XIRP2: variants seen among roughly 807,000 people sequenced by gnomAD.
The protein encoded by XIRP2 is xin actin-binding repeat-containing protein 2.
A neutral mutation model predicts 277.0 loss-of-function variants in XIRP2; 236 were observed. The observed-to-expected ratio is 0.85, with a 90% CI of 0.77 to 0.95. The LOEUF (loss-of-function observed/expected upper bound fraction) is 0.95, where lower values mean the gene tolerates loss of function less well. XIRP2 is among the 40% of genes least tolerant of loss of function. The pLI is 0.00. For synonymous variants in XIRP2, 1,490 were observed against 1,416.5 expected (o/e 1.05, Z -1.17); for missense variants, 4,640 against 4,157.5 (o/e 1.12, Z -3.19).
intron 2 of XIRP2, among the ~76,000 whole-genome samples, chr2:166,961,070 G>C (rs942857229): frequency 5.3e-5 from 8 of 151,674 alleles, no homozygotes; most frequent in Non-Finnish European, 1.2e-4. Flanking sequence ...CCCCCTCTCT[G>C]GGCTCTGGGC....
intron 2 of XIRP2, among the ~76,000 whole-genome samples, chr2:166,915,782 T>TCCCC (rs1173885811): frequency 3.3e-5 from 5 of 152,170 alleles, no homozygotes. Flanking sequence ...CTTATGATCT[T>TCCCC]CCCCCAAACC....
chr2:167,071,215 CA>C (rs1258312104), intron 2 of XIRP2, among the ~76,000 whole-genome samples: 2 of 152,104 alleles, frequency 1.3e-5, no homozygotes, highest in African/African-American at 4.8e-5. Flanking sequence ...ACATATGTGA[CA>C]TAAAGTTTTA....
chr2:167,150,881 G>T (rs1371366796), intron 3 of XIRP2, among the ~76,000 whole-genome samples: 1 of 152,014 alleles, frequency 6.6e-6, no homozygotes, highest in Non-Finnish European at 1.5e-5. Flanking sequence ...AGTGAAACTA[G>T]CCTTTTGTTG....
chr2:167,034,734 T>A (rs1385704028), intron 2 of XIRP2, among the ~76,000 whole-genome samples: 2 of 152,172 alleles, frequency 1.3e-5, no homozygotes, highest in Non-Finnish European at 2.9e-5. Context: ...AGCAAGAGTA[T>A]ATAACAATTT....
intron 2 of XIRP2, among the ~76,000 whole-genome samples, chr2:167,078,425 T>TTGGATTTTTCCTTTTCCTA: frequency 6.6e-6 from 1 of 152,276 alleles, no homozygotes; most frequent in South Asian, 2.1e-4. Context: ...GGAGAGATAG[T>TTGGATTTTTCCTTTTCCTA]TGGATTTTTC....
intron 5 of XIRP2, among the ~76,000 whole-genome samples, chr2:167,238,969 A>G (rs1429345794): frequency 6.6e-6 from 1 of 152,196 alleles, no homozygotes; most frequent in Non-Finnish European, 1.5e-5. Context: ...AGGAGCTCCA[A>G]GTTTGCAATT....
chr2:167,178,631 G>A (rs1409620372), intron 3 of XIRP2, among the ~76,000 whole-genome samples: 1 of 151,056 alleles, frequency 6.6e-6, no homozygotes, highest in Admixed American at 6.6e-5. Context: ...AGCCATATTT[G>A]TTCATAAGTT....
chr2:167,204,433 A>C (rs1436533573), intron 3 of XIRP2, among the ~76,000 whole-genome samples: 4 of 152,214 alleles, frequency 2.6e-5, no homozygotes, highest in African/African-American at 9.6e-5. Context: ...AATAGGTAGC[A>C]TCAGAATTGG....
intron 1 of XIRP2, among the ~76,000 whole-genome samples, chr2:166,892,317 T>C (rs1325182400): frequency 6.6e-6 from 1 of 152,176 alleles, no homozygotes; most frequent in Non-Finnish European, 1.5e-5. Flanking sequence ...CAGAAAATGC[T>C]GTGATCTCCA....
Position 167,258,370 on chromosome 2 carries a change from T to A in XIRP2, c.*553T>A, listed in dbSNP as rs1241560089. On this transcript the variant is annotated 3_prime_UTR_variant, in exon 11 of 11. Transcript: ENST00000409195. ...TGCAGCCTTATCTACAGTCCACCCATGTTTGTCAGAAAGAGGATGTTATAG... is the reference window on the plus strand; with the variant it reads ...TGCAGCCTTATCTACAGTCCACCCAAGTTTGTCAGAAAGAGGATGTTATAG... The A allele has an allele frequency of 4.3e-6, 7 of 1,613,050 alleles. No homozygotes were observed. Among genetic ancestry groups the A allele is most frequent in the Non-Finnish European group, 5.9e-6 (7 of 1,179,600 alleles).
At chr2:167,146,797 G>T (rs1691876099) in intron 3 of XIRP2, among the ~76,000 whole-genome samples, 1 of 151,828 alleles carries the variant, frequency 6.6e-6, no homozygotes, top group African/African-American at 2.4e-5. Flanking sequence ...AAATAAAAAG[G>T]GTCTATACCT....
intron 2 of XIRP2, among the ~76,000 whole-genome samples, chr2:167,102,059 T>C (rs1178515898): frequency 1.3e-5 from 2 of 152,176 alleles, no homozygotes; most frequent in Admixed American, 6.5e-5. Flanking sequence ...TCTAGGTTTC[T>C]CAAGTGCAAA....
chr2:166,917,826 A>G (rs1370540168), intron 2 of XIRP2, among the ~76,000 whole-genome samples: 2 of 152,232 alleles, frequency 1.3e-5, no homozygotes, highest in Admixed American at 6.5e-5. Flanking sequence ...TACCCAGCCT[A>G]TCTTTCTTAG....
intron 2 of XIRP2, among the ~76,000 whole-genome samples, chr2:167,085,568 G>C (rs1689912173): frequency 6.6e-6 from 1 of 152,122 alleles, no homozygotes; most frequent in Admixed American, 6.5e-5. Flanking sequence ...TTATTAATAT[G>C]TGTGAGTCTA....
At chr2:167,112,571 TA>T (rs1419246486) in intron 2 of XIRP2, among the ~76,000 whole-genome samples, 2 of 120,824 alleles carry the variant, frequency 1.7e-5, no homozygotes, top group African/African-American at 8.8e-5. Flanking sequence ...TATATAGAGA[TA>T]TATTTATATA....
intron 2 of XIRP2, among the ~76,000 whole-genome samples, chr2:166,995,035 C>A (rs1182019067): frequency 1.3e-5 from 2 of 151,978 alleles, no homozygotes; most frequent in Non-Finnish European, 2.9e-5. Context: ...GTGCGCACCA[C>A]CTCGCCCAGC....
At chr2:166,912,128 G>C (rs1684725752) in intron 2 of XIRP2, among the ~76,000 whole-genome samples, 1 of 152,106 alleles carries the variant, frequency 6.6e-6, no homozygotes, top group Non-Finnish European at 1.5e-5. Context: ...GGCATTCTCT[G>C]TATTTCCTGA....
intron 5 of XIRP2, among the ~76,000 whole-genome samples, chr2:167,223,673 T>C (rs1694499574): frequency 6.6e-6 from 1 of 152,190 alleles, no homozygotes; most frequent in Non-Finnish European, 1.5e-5. Context: ...TGCCTATAGC[T>C]CCCTGCCACG....
At chr2:166,909,799 CT>C (rs1270461940) in intron 2 of XIRP2, among the ~76,000 whole-genome samples, 1 of 152,142 alleles carries the variant, frequency 6.6e-6, no homozygotes, top group African/African-American at 2.4e-5. Context: ...CCATCAATAC[CT>C]AGTTTATTGA....
Sources: gnomAD v4.1 joint callset for allele counts (sites outside exome capture counted in the v4.1 genomes callset) on GRCh38, gnomAD v4.1.1 for gene constraint, MANE v1.5 for transcripts, NCBI Gene and HGNC (gene_info 2026-07-23, HGNC 2026-07-21) for gene names.